Variants in FBRSL1 observed in about 807,000 individuals in gnomAD.
FBRSL1 encodes fibrosin-1-like protein.
A neutral mutation model predicts 89.6 loss-of-function variants in FBRSL1; 51 were observed. That is an observed-to-expected ratio of 0.57 (90% CI 0.45 to 0.72). The LOEUF (loss-of-function observed/expected upper bound fraction) is 0.72, where lower values mean the gene tolerates loss of function less well. Among genes scored for constraint, FBRSL1 ranks in the 30% least tolerant of loss-of-function variants. The pLI is 0.00. For synonymous variants in FBRSL1, 779 were observed against 681.1 expected (o/e 1.14, Z -2.24); for missense variants, 1,618 against 1,451.8 (o/e 1.11, Z -1.86).
chr12:132,551,252 G>C (rs1039182041), intron 5 of FBRSL1: 4 of 378,792 alleles, frequency 1.1e-5, no homozygotes, highest in Middle Eastern at 7.1e-4. Flanking sequence ...ATGGAAGGAA[G>C]GTCCCCGAGT....
chr12:132,551,682 C>T (rs1292243420), intron 5 of FBRSL1: 1 of 422,040 alleles, frequency 2.4e-6, no homozygotes. Flanking sequence ...CTGACCGAGA[C>T]ACCTCTCCAC....
At chr12:132,545,908 G>T (rs887572705) in intron 4 of FBRSL1, among the ~76,000 whole-genome samples, 1 of 152,188 alleles carries the variant, frequency 6.6e-6, no homozygotes, top group Non-Finnish European at 1.5e-5. Flanking sequence ...CCACTGTGAG[G>T]CTAGAAGGGC....
At position 132,570,142 on chromosome 12, in the gene FBRSL1, C is replaced by A; in HGVS notation, c.908C>A (p.Pro303His). 1 of 1,478,460 alleles carries A rather than the reference C, an allele frequency of 6.8e-7. No homozygotes were observed. The highest frequency in any genetic ancestry group is 8.9e-7 in the Non-Finnish European group (1 of 1,124,126). The allele number at this position is 1,478,460 out of a possible 1,614,324, so 91.6% of individuals were successfully genotyped here. A position where few individuals can be genotyped will look rare whatever the true frequency, so the allele number is the denominator to read the frequency against. Reference sequence around the variant, plus strand: ...CACCGCCACACCCCGCAGCCGCCACCCCCGCAGCCCCGCGGCCTGCTCCCG... The same window carrying A: ...CACCGCCACACCCCGCAGCCGCCACACCCGCAGCCCCGCGGCCTGCTCCCG... The part of the protein sequence containing the change: ...APHRHTPQPP[P>H]PQPRGLLPTH... Residue 303 changes from proline (P) to histidine (H), a missense_variant, in exon 7 of 19, where the codon CCC becomes CAC. Pro to His is a moderately conservative substitution (Grantham distance 77). Coordinates refer to ENST00000680143, the MANE Select transcript of FBRSL1 (RefSeq NM_001367871.1).
intron 5 of FBRSL1, among the ~76,000 whole-genome samples, chr12:132,563,903 A>T (rs55699451): frequency 0.45 from 22,606 of 50,060 alleles, 5,251 homozygotes; most frequent in East Asian, 0.72. Flanking sequence ...ACCCCCGAGC[A>T]CCTGTGCACC....
chr12:132,534,144 AC>A (rs2036526781), intron 4 of FBRSL1, among the ~76,000 whole-genome samples: 1 of 152,156 alleles, frequency 6.6e-6, no homozygotes, highest in Non-Finnish European at 1.5e-5. Flanking sequence ...CCCAAGCACC[AC>A]CACTCAGCCC....
chr12:132,512,250 C>T (rs1019536833), intron 2 of FBRSL1, among the ~76,000 whole-genome samples: 34 of 152,262 alleles, frequency 2.2e-4, no homozygotes, highest in African/African-American at 8.2e-4. Context: ...GGCACCCATC[C>T]CCGGGATCAG....
At chr12:132,510,133 C>G in intron 2 of FBRSL1, 1 of 1,225,118 alleles carries the variant, frequency 8.2e-7, no homozygotes, top group Non-Finnish European at 1.0e-6. Context: ...CCCAAGCGGC[C>G]GCTCATGGGC....
rs772239728 is a variant in FBRSL1 at position 132,570,190 on chromosome 12, G to A, written c.956G>A (p.Gly319Asp). The A allele has an allele frequency of 1.3e-6, 2 of 1,505,494 alleles. No homozygotes were observed. Among genetic ancestry groups the A allele is most frequent in the South Asian group, 2.5e-5 (2 of 80,682 alleles). The allele number at this position is 1,505,494 out of a possible 1,614,324, so 93.3% of individuals were successfully genotyped here. A position where few individuals can be genotyped will look rare whatever the true frequency, so the allele number is the denominator to read the frequency against. ...LLPTHVPASL[G>D]AFAGHSQAAA... ...CCGACACACGTGCCTGCATCCCTGG[G>A]CGCCTTCGCGGGCCACAGCCAGGCG... Residue 319 changes from glycine to aspartate, a missense_variant, in exon 7 of 19, where the codon GGC (glycine) becomes GAC (aspartate). Physicochemically the swap from Gly to Asp is moderately conservative, Grantham distance 94. Transcript: ENST00000680143.
chr12:132,571,885 C>T (rs1177862982), intron 9 of FBRSL1: 12 of 328,908 alleles, frequency 3.6e-5, no homozygotes, highest in East Asian at 2.3e-4. Flanking sequence ...CCCGGAGGCC[C>T]GGTCTGAGGA....
intron 17 of FBRSL1, 81 bp from the exon 18 acceptor site, chr12:132,581,981 T>TA: frequency 7.3e-7 from 1 of 1,361,730 alleles, no homozygotes; most frequent in Non-Finnish European, 1.0e-6. Flanking sequence ...GGGACCCTTC[T>TA]AAAACCCCTA....
chr12:132,556,991 A>G (rs2038731179), intron 5 of FBRSL1, among the ~76,000 whole-genome samples: 1 of 152,186 alleles, frequency 6.6e-6, no homozygotes, highest in Admixed American at 6.5e-5. Flanking sequence ...GCGCTCGGCT[A>G]ACCATGGCCG....
chr12:132,565,552 CCCATGT>C (rs542835640), intron 5 of FBRSL1: 7 of 152,266 alleles, frequency 4.6e-5, no homozygotes, highest in East Asian at 1.9e-4. Flanking sequence ...CCCGAGTGTG[CCCATGT>C]TCATGTATCC....
chr12:132,496,813 G>A (rs907236245), intron 1 of FBRSL1, among the ~76,000 whole-genome samples: 4 of 148,092 alleles, frequency 2.7e-5, no homozygotes, highest in African/African-American at 1.0e-4. Flanking sequence ...AGCTTGTGCC[G>A]CCGCCCCGCG....
chr12:132,508,120 C>T (rs892936696), intron 1 of FBRSL1, 33 bp from the exon 2 acceptor site: 48 of 1,291,842 alleles, frequency 3.7e-5, no homozygotes, highest in Non-Finnish European at 5.2e-5. Context: ...TGGGGTCCCG[C>T]CAATTAACTG....
chr12:132,567,223 T>A (rs1049296631), intron 5 of FBRSL1, among the ~76,000 whole-genome samples: 3 of 152,174 alleles, frequency 2.0e-5, no homozygotes, highest in African/African-American at 7.2e-5. Flanking sequence ...ACAAACCCCG[T>A]CTTCACTCAG....
At chr12:132,556,932 C>A (rs182868281) in intron 5 of FBRSL1, among the ~76,000 whole-genome samples, 1 of 152,274 alleles carries the variant, frequency 6.6e-6, no homozygotes, top group Admixed American at 6.5e-5. Flanking sequence ...GACACGTGCC[C>A]CGCGGAGTGG....
chr12:132,546,607 G>GA lies in FBRSL1; in HGVS notation c.616-1395dup, dbSNP rs1231313390. ...ACGGCTGAAAGGCCAGACCGGGGGG[G>GA]ACCCTAGGAGAGGGCTTGGCCACGG... On this transcript the variant is annotated intron_variant, in intron 4 of 18. Coordinates refer to ENST00000680143, the MANE Select transcript of FBRSL1 (RefSeq NM_001367871.1). The surrounding 1 kb of genome is among the most constrained non-coding windows in gnomAD (Gnocchi z 4.0). Among the ~76,000 whole-genome samples the GA allele has an allele frequency of 1.3e-5, 2 of 151,370 alleles. No homozygotes were observed. The highest frequency in any genetic ancestry group is 3.0e-5 in the Non-Finnish European group (2 of 67,732).
Position 132,569,660 on chromosome 12 carries a change from C to T in FBRSL1, c.692-266C>T, listed in dbSNP as rs932556613. Among the ~76,000 whole-genome samples, 4 of 152,312 alleles carry T rather than the reference C, an allele frequency of 2.6e-5. No individual in the cohort carries two copies. The East Asian group carries it at 5.8e-4, about 22-fold the overall frequency. ...GCCTGTCCTGTCCCTGCCAGTGATG[C>T]GTCTTCGGGCAGGTGGGCTACCCAC... On this transcript the variant is annotated intron_variant, in intron 6 of 18. Coordinates refer to ENST00000680143, the MANE Select transcript of FBRSL1 (RefSeq NM_001367871.1).
rs761107433 is a variant in FBRSL1 at position 132,572,658 on chromosome 12, G to A, written c.1530+36G>A. 6.5e-5 allele frequency: 94 copies of A among 1,455,890 alleles called. No homozygotes were observed. Among genetic ancestry groups the A allele is most frequent in the Non-Finnish European group, 8.3e-5 (88 of 1,065,854 alleles). The allele number at this position is 1,455,890 out of a possible 1,614,324, so 90.2% of individuals were successfully genotyped here. A position where few individuals can be genotyped will look rare whatever the true frequency, so the allele number is the denominator to read the frequency against. The stretch of plus-strand genomic sequence containing the variant: ...CCCTGGCAGGTGGGGCGGGCACAGC[G>A]GGTGGGTGGATTTTGGGGGGAGTGC... On this transcript the variant is annotated intron_variant, in intron 11 of 18. Coordinates refer to ENST00000680143, the MANE Select transcript of FBRSL1 (RefSeq NM_001367871.1).
Sources: allele counts gnomAD v4.1 joint callset (sites outside exome capture counted in the v4.1 genomes callset), GRCh38; gene constraint gnomAD v4.1.1; non-coding constraint Gnocchi (gnomAD v3.1); transcripts MANE v1.5; gene names NCBI Gene and HGNC (gene_info 2026-07-23, HGNC 2026-07-21).